Variants in AHDC1 observed in about 807,000 individuals in gnomAD.
AHDC1 encodes the protein transcription factor Gibbin.
In AHDC1, 7 loss-of-function variants were observed where a neutral mutation model predicts 87.9. The observed-to-expected ratio is 0.08, with a 90% CI of 0.05 to 0.15. The LOEUF (loss-of-function observed/expected upper bound fraction) is 0.15, where lower values mean the gene tolerates loss of function less well. Ranked by LOEUF, AHDC1 falls within the 10% of genes least tolerant of loss-of-function variation. The pLI is 1.00. For missense variants in AHDC1, 1,841 were observed against 2,253.2 expected, an observed-to-expected ratio of 0.82 and a Z score of 3.70; for synonymous variants, 1,051 against 1,006.8, an observed-to-expected ratio of 1.04 and a Z score of -0.83.
In AHDC1 at chr1:27,548,624, A is replaced by G; in HGVS notation, c.3492T>C (p.Ser1164=). The part of the protein sequence containing the change: ...KQQTAVSETF[S]ESSSDSTQFN... ...ACTGGGTGCTGTCGGAGGATGACTCAGAGAAGGTCTCCGACACAGCCGTCT... is the reference window on the plus strand; with the variant it reads ...ACTGGGTGCTGTCGGAGGATGACTCGGAGAAGGTCTCCGACACAGCCGTCT... Residue 1164 remains serine (S), a synonymous_variant, in exon 8 of 9, where the codon TCT becomes TCC. Transcript: ENST00000673934. 1.9e-6 allele frequency: 3 copies of G among 1,613,526 alleles called. No individual in the cohort carries two copies. The highest frequency in any genetic ancestry group is 2.5e-6 in the Non-Finnish European group (3 of 1,180,032).
At chr1:27,597,808 T>C (rs976491544) in intron 3 of AHDC1, among the ~76,000 whole-genome samples, 6 of 152,096 alleles carry the variant, frequency 3.9e-5, no homozygotes, top group African/African-American at 1.4e-4. Flanking sequence ...TTTCCCCCTT[T>C]CTTTATCTCT....
chr1:27,580,930 G>A (rs1287084413), intron 3 of AHDC1, among the ~76,000 whole-genome samples: 1 of 152,114 alleles, frequency 6.6e-6, no homozygotes, highest in Admixed American at 6.5e-5. Context: ...CGCCTCCCGG[G>A]TTCAAGCGAT....
rs2019362539 is a variant in AHDC1, at chr1:27,549,070, G to A, written c.3046C>T (p.His1016Tyr). 1.3e-6 allele frequency: 2 copies of A among 1,562,924 alleles called. No individual in the cohort carries two copies. Among genetic ancestry groups the A allele is most frequent in the African/African-American group, 1.4e-5 (1 of 73,362 alleles). The part of the protein sequence containing the change: ...NSLPASPSSA[H>Y]SAGYAPPPTG... ...GGCGGTGGGGCATAGCCGGCGCTGT[G>A]GGCGCTGCTGGGTGAGGCAGGGAGG... The change falls in exon 8 of 9, where the codon CAC becomes TAC. Residue 1016 changes from histidine (H) to tyrosine (Y), a missense_variant. Coordinates refer to ENST00000673934, the MANE Select transcript of AHDC1 (RefSeq NM_001371928.1).
chr1:27,588,730 C>A (rs1398489990), intron 3 of AHDC1, among the ~76,000 whole-genome samples: 3 of 152,032 alleles, frequency 2.0e-5, no homozygotes, highest in African/African-American at 7.3e-5. Context: ...TGTGAATTGG[C>A]CTGTGTGAGA....
intron 3 of AHDC1, among the ~76,000 whole-genome samples, chr1:27,576,962 C>A (rs1310557097): frequency 6.6e-6 from 1 of 152,176 alleles, no homozygotes; most frequent in African/African-American, 2.4e-5. Context: ...CCCACACCCC[C>A]CAACGCCAGC....
At chr1:27,541,700 G>A (rs910632776) in intron 8 of AHDC1, among the ~76,000 whole-genome samples, 31 of 151,478 alleles carry the variant, frequency 2.0e-4, no homozygotes, top group African/African-American at 7.5e-4. Context: ...TGTGATCTTG[G>A]CTCACTGCAA....
Position 27,603,461 on chromosome 1 carries a change from T to A in AHDC1, c.-693A>T, listed in dbSNP as rs2089598416. 6.5e-6 allele frequency: 1 copy of A among 152,742 alleles called. No homozygotes were observed. The highest frequency in any genetic ancestry group is 1.5e-5 in the Non-Finnish European group (1 of 68,386). 9.5% of individuals were successfully genotyped at this position (152,742 alleles called of 1,614,324 possible). On this transcript the variant is annotated 5_prime_UTR_variant, in exon 3 of 9. The change creates a new upstream start codon in the 5' untranslated region. Transcript: ENST00000673934. ...CGAGGGGTTTTGGGGGACGTCTGTC[T>A]TCCGGCGGTGGCAGCGACGCGGGCG...
intron 5 of AHDC1, among the ~76,000 whole-genome samples, chr1:27,553,873 C>T (rs928449587): frequency 4.6e-5 from 7 of 152,048 alleles, no homozygotes; most frequent in Admixed American, 6.5e-5. Flanking sequence ...CGAGACCAGC[C>T]TGGGTAACAT....
Position 27,561,516 on chromosome 1 carries a change from G to A in AHDC1, c.-628-2633C>T, listed in dbSNP as rs1055901566. 1.3e-5 allele frequency among the ~76,000 whole-genome samples: 2 copies of A among 152,208 alleles called. No homozygotes were observed. The highest frequency in any genetic ancestry group is 1.3e-4 in the Admixed American group (2 of 15,286). On this transcript the variant is annotated intron_variant, in intron 3 of 8. Coordinates refer to ENST00000673934, the MANE Select transcript of AHDC1 (RefSeq NM_001371928.1). This position sits in a 1 kb window ranked among gnomAD's most constrained non-coding sequence, Gnocchi z 4.2. ...AGTGTGGTGGGGGGAACACAGCAAG[G>A]AGGGGTGCAGGGGCTGGGCTGGGAC...
At chr1:27,567,290 G>A (rs773969298) in intron 3 of AHDC1, among the ~76,000 whole-genome samples, 1 of 152,204 alleles carries the variant, frequency 6.6e-6, no homozygotes, top group Non-Finnish European at 1.5e-5. Flanking sequence ...TTGCCAAGGC[G>A]ACGGTGGGTC....
chr1:27,549,365 C>T lies in AHDC1; in HGVS notation c.2751G>A (p.Ala917=), dbSNP rs746971119. ...CTCGTCCTGGTGGGAAGGTCTGGCG[C>T]GCGGACAGGACAGGCTGAAAGGAGG... is the stretch of plus-strand genomic sequence containing the variant. ...ADPSFQPVLS[A]RQTFPPGRAA... is the part of the protein sequence containing the mutation. The change falls in exon 8 of 9, where the codon GCG becomes GCA. Residue 917 remains alanine, a synonymous_variant. Coordinates refer to ENST00000673934, the MANE Select transcript of AHDC1 (RefSeq NM_001371928.1). 1.9e-5 allele frequency: 31 copies of T among 1,612,942 alleles called. No individual in the cohort carries two copies. The highest frequency in any genetic ancestry group is 1.8e-4 in the South Asian group (16 of 91,046).
At chr1:27,553,550 C>T (rs2019671336) in intron 5 of AHDC1, 1 of 152,158 alleles carries the variant, frequency 6.6e-6, no homozygotes. Context: ...AGTTTGGGGA[C>T]ATTTTCTGTT....
At chr1:27,601,455 A>C (rs2089526331) in intron 3 of AHDC1, among the ~76,000 whole-genome samples, 1 of 152,236 alleles carries the variant, frequency 6.6e-6, no homozygotes, top group Non-Finnish European at 1.5e-5. Context: ...GCTGGTAGCC[A>C]CTGGTCCCCC....
intron 3 of AHDC1, among the ~76,000 whole-genome samples, chr1:27,572,593 T>C (rs1430959735): frequency 6.6e-6 from 1 of 152,158 alleles, no homozygotes; most frequent in African/African-American, 2.4e-5. Context: ...CAACAGTACA[T>C]GACAACTCCA....
rs768017000 is a variant in AHDC1 at position 27,549,407 on chromosome 1, G to A, written c.2709C>T (p.Ser903=). The change falls in exon 8 of 9, where the codon AGC becomes AGT. Residue 903 remains serine, a synonymous_variant. Transcript: ENST00000673934. The part of the protein sequence containing the change: ...AKASPVAVGS[S]GAGADPSFQP... ...GAAAGGAGGGGTCCGCCCCAGCCCC[G>A]CTGCTACCCACTGCCACTGGGCTGG... The A allele has an allele frequency of 1.3e-5, 21 of 1,612,724 alleles. No individual in the cohort carries two copies. The Admixed American group carries it at 1.3e-4, about 10-fold the overall frequency.
chr1:27,590,126 G>A lies in AHDC1; in HGVS notation c.-629+13271C>T, dbSNP rs767578762. 9.9e-5 allele frequency among the ~76,000 whole-genome samples: 15 copies of A among 150,780 alleles called. No individual in the cohort carries two copies. The highest frequency in any genetic ancestry group is 1.9e-4 in the Non-Finnish European group (13 of 67,994). ...CTTCGGGCCCCTCCTTCTCCTGGAG[G>A]GGAGGGATGAGCTGCAGGCCCCGGC... On this transcript the variant is annotated intron_variant, in intron 3 of 8. Coordinates refer to ENST00000673934, the MANE Select transcript of AHDC1 (RefSeq NM_001371928.1). The surrounding 1 kb of genome is among the most constrained non-coding windows in gnomAD (Gnocchi z 5.4).
chr1:27,538,611 C>A (rs1234565439), intron 8 of AHDC1, among the ~76,000 whole-genome samples: 3 of 151,560 alleles, frequency 2.0e-5, no homozygotes, highest in Non-Finnish European at 4.4e-5. Flanking sequence ...ACCTTCCAGG[C>A]CCATGAGATC....
rs905034598 is a variant in AHDC1 at position 27,565,093 on chromosome 1, C to T, written c.-628-6210G>A. 2.0e-5 allele frequency among the ~76,000 whole-genome samples: 3 copies of T among 152,190 alleles called. No individual in the cohort carries two copies. The highest frequency in any genetic ancestry group is 7.2e-5 in the African/African-American group (3 of 41,444). On this transcript the variant is annotated intron_variant, in intron 3 of 8. Transcript: ENST00000673934. This position sits in a 1 kb window ranked among gnomAD's most constrained non-coding sequence, Gnocchi z 4.6. ...GACAGATGGCCTGCCGAGGCAGCGGCGATCTGGGCGGCTGGCAGGCATGCT... is the reference window on the plus strand; with the variant it reads ...GACAGATGGCCTGCCGAGGCAGCGGTGATCTGGGCGGCTGGCAGGCATGCT...
intron 3 of AHDC1, among the ~76,000 whole-genome samples, chr1:27,571,785 G>T (rs1007868257): frequency 3.6e-4 from 54 of 151,600 alleles, no homozygotes; most frequent in African/African-American, 1.3e-3. Context: ...CAAACCCGCC[G>T]GGGTGGGTTT....
Sources: gnomAD v4.1 joint callset for allele counts (sites outside exome capture counted in the v4.1 genomes callset) on GRCh38, gnomAD v4.1.1 for gene constraint, Gnocchi (gnomAD v3.1) non-coding constraint, MANE v1.5 for transcripts, NCBI Gene and HGNC (gene_info 2026-07-23, HGNC 2026-07-21) for gene names.